The following ANKFN1 variants were observed in gnomAD, a reference collection of about 807,000 sequenced individuals.
ANKFN1 encodes ankyrin repeat and fibronectin type-III domain-containing protein 1.
Under a neutral mutation model 108.7 loss-of-function variants are expected in ANKFN1, and 74 were observed. That is an observed-to-expected ratio of 0.68 (90% CI 0.56 to 0.83). The LOEUF is 0.83. Ranked by LOEUF, ANKFN1 falls within the 40% of genes least tolerant of loss-of-function variation. ANKFN1 has a pLI of 0.00. For missense variants in ANKFN1, 1,505 were observed against 1,382.3 expected, an observed-to-expected ratio of 1.09 and a Z score of -1.41; for synonymous variants, 547 against 516.2, an observed-to-expected ratio of 1.06 and a Z score of -0.81.
intron 4 of ANKFN1, among the ~76,000 whole-genome samples, chr17:56,071,742 T>C (rs770716309): frequency 2.6e-5 from 4 of 152,240 alleles, no homozygotes; most frequent in Non-Finnish European, 5.9e-5. Context: ...TCTAATCTAG[T>C]CTTCACCTGG....
intron 4 of ANKFN1, among the ~76,000 whole-genome samples, chr17:56,118,699 A>G (rs1489219357): frequency 6.6e-6 from 1 of 152,186 alleles, no homozygotes; most frequent in Non-Finnish European, 1.5e-5. Context: ...GTGGAACAGT[A>G]GTGAGATATT....
chr17:56,483,046 C>G (rs950661616), intron 18 of ANKFN1, among the ~76,000 whole-genome samples: 3 of 152,182 alleles, frequency 2.0e-5, no homozygotes, highest in African/African-American at 4.8e-5. Context: ...GTAGCACTGA[C>G]TTATTAAATA....
At chr17:56,354,693 C>A (rs906727622) in intron 6 of ANKFN1, among the ~76,000 whole-genome samples, 1 of 152,146 alleles carries the variant, frequency 6.6e-6, no homozygotes, top group African/African-American at 2.4e-5. Flanking sequence ...ACAATCCCCA[C>A]CCCTCAGTCT....
chr17:56,244,416 T>G (rs1917812574), intron 3 of ANKFN1, among the ~76,000 whole-genome samples: 1 of 152,126 alleles, frequency 6.6e-6, no homozygotes, highest in South Asian at 2.1e-4. Flanking sequence ...AAGACAGGAC[T>G]AGGTTCCATG....
chr17:56,296,734 A>C (rs2044521970), intron 3 of ANKFN1, among the ~76,000 whole-genome samples: 1 of 152,160 alleles, frequency 6.6e-6, no homozygotes, highest in Non-Finnish European at 1.5e-5. Context: ...ACGGCTGTGA[A>C]GCGCATGAGC....
At chr17:56,437,969 T>C (rs913170116) in intron 8 of ANKFN1, among the ~76,000 whole-genome samples, 2 of 125,108 alleles carry the variant, frequency 1.6e-5, no homozygotes, top group African/African-American at 6.3e-5. Context: ...ACTAATCTAC[T>C]GTAGGTGTGT....
intron 10 of ANKFN1, among the ~76,000 whole-genome samples, chr17:56,444,678 C>T (rs1452731069): frequency 6.6e-6 from 1 of 152,044 alleles, no homozygotes; most frequent in Non-Finnish European, 1.5e-5. Flanking sequence ...CGTAAGGTAC[C>T]TCTTGAGGTG....
At position 56,456,410 on chromosome 17, in the gene ANKFN1, T is replaced by C. The variant is rs529682717; in HGVS notation, c.1208-451T>C. On this transcript the variant is annotated intron_variant, in intron 11 of 20. Transcript: ENST00000682825. ...GAGCTTCTTTTTTTCTCTTTTTTTT[T>C]TTTTTTTTTTTGATACGGATTCTCG... Among the ~76,000 whole-genome samples the C allele has an allele frequency of 7.6e-4, 113 of 148,150 alleles. 4 individuals carry two copies. In the East Asian group the frequency reaches 0.01, roughly 13 times the overall value.
At chr17:56,493,879 G>A (rs1350325107) in intron 19 of ANKFN1, among the ~76,000 whole-genome samples, 1 of 152,128 alleles carries the variant, frequency 6.6e-6, no homozygotes, top group Non-Finnish European at 1.5e-5. Flanking sequence ...CGAACGCTGT[G>A]AACTTTGGGC....
At position 56,154,798 on chromosome 17, in the gene ANKFN1, T is replaced by C. The variant is rs558653656; in HGVS notation, c.-71+1268T>C. Among the ~76,000 whole-genome samples the C allele has an allele frequency of 8.5e-5, 13 of 152,302 alleles. No individual in the cohort carries two copies. In the East Asian group the frequency reaches 2.5e-3, roughly 29 times the overall value. On this transcript the variant is annotated intron_variant, in intron 1 of 20. Transcript: ENST00000682825. ...GGGGGCTCCATTCATGGTTGTAGAA[T>C]TGAATTGAATGAACAGTGTGGGGTA...
intron 1 of ANKFN1, among the ~76,000 whole-genome samples, chr17:56,171,827 C>G (rs903503385): frequency 3.3e-5 from 5 of 152,174 alleles, no homozygotes; most frequent in African/African-American, 4.8e-5. Context: ...TCTACCCAGA[C>G]ATACCCTGAG....
At chr17:56,173,497 T>G (rs775977692) in intron 1 of ANKFN1, among the ~76,000 whole-genome samples, 26 of 152,160 alleles carry the variant, frequency 1.7e-4, no homozygotes, top group Non-Finnish European at 3.2e-4. Flanking sequence ...TGCCATATAC[T>G]TCACTCTCTC....
At chr17:56,267,386 A>G (rs1027259478) in intron 3 of ANKFN1, among the ~76,000 whole-genome samples, 7 of 152,058 alleles carry the variant, frequency 4.6e-5, no homozygotes, top group African/African-American at 1.7e-4. Context: ...GTTGATAGTT[A>G]CTTTTGCTGT....
chr17:56,457,157 C>T (rs1411892094), intron 12 of ANKFN1, 100 bp from the exon 13 acceptor site: 55 of 1,248,916 alleles, frequency 4.4e-5, no homozygotes, highest in Non-Finnish European at 5.5e-5. Context: ...AGCAGGAATA[C>T]GTTCCTAGGT....
chr17:56,107,488 CT>C (rs1307097332), intron 4 of ANKFN1, among the ~76,000 whole-genome samples: 2 of 152,124 alleles, frequency 1.3e-5, no homozygotes, highest in Non-Finnish European at 2.9e-5. Flanking sequence ...ATTCCCACAG[CT>C]TTAGGGCCTG....
chr17:56,210,082 A>G lies in ANKFN1; in HGVS notation c.-70-2516A>G, dbSNP rs145297831. Among the ~76,000 whole-genome samples, 581 of 152,184 alleles carry G rather than the reference A, an allele frequency of 3.8e-3. 5 individuals carry two copies. Among genetic ancestry groups the G allele is most frequent in the African/African-American group, 0.013 (559 of 41,516 alleles). ...GATACATAGATAGATAGATAGATAG[A>G]TAGATAGATAGATAGATAGATAGAT... On this transcript the variant is annotated intron_variant, in intron 1 of 20. Coordinates refer to ENST00000682825, the MANE Select transcript of ANKFN1 (RefSeq NM_001370326.1).
At chr17:56,304,549 G>GT (rs1369939601) in intron 3 of ANKFN1, among the ~76,000 whole-genome samples, 1 of 151,950 alleles carries the variant, frequency 6.6e-6, no homozygotes, top group African/African-American at 2.4e-5. Flanking sequence ...TACATGCTTA[G>GT]TTTTAAAAAA....
chr17:56,398,231 A>C (rs2047644846), intron 8 of ANKFN1, among the ~76,000 whole-genome samples: 1 of 152,204 alleles, frequency 6.6e-6, no homozygotes. Flanking sequence ...CACTTGGTAC[A>C]TGATACATTA....
intron 8 of ANKFN1, among the ~76,000 whole-genome samples, chr17:56,394,650 C>T (rs1033116324): frequency 2.6e-5 from 4 of 152,076 alleles, no homozygotes; most frequent in South Asian, 2.1e-4. Flanking sequence ...TGAGCCCATA[C>T]GCCTCAGGGA....
Sources: allele counts gnomAD v4.1 joint callset (sites outside exome capture counted in the v4.1 genomes callset), GRCh38; gene constraint gnomAD v4.1.1; transcripts MANE v1.5; gene names NCBI Gene and HGNC (gene_info 2026-07-23, HGNC 2026-07-21).